CNTNAP5: variants seen among roughly 807,000 people sequenced by gnomAD.
The protein encoded by CNTNAP5 is contactin associated protein family member 5, also known as contactin-associated protein-like 5.
In CNTNAP5, 72 loss-of-function variants were observed where a neutral mutation model predicts 150.2. That is an observed-to-expected ratio of 0.48 (90% CI 0.40 to 0.58). CNTNAP5 has a LOEUF of 0.58. CNTNAP5 is among the 20% of genes least tolerant of loss of function. CNTNAP5 has a pLI of 0.00. For missense variants in CNTNAP5, 1,636 were observed against 1,626.2 expected (o/e 1.01, Z -0.10); for synonymous variants, 672 against 619.8 (o/e 1.08, Z -1.25).
intron 1 of CNTNAP5, among the ~76,000 whole-genome samples, chr2:124,156,779 G>A (rs960462849): frequency 3.9e-5 from 6 of 152,132 alleles, no homozygotes; most frequent in Admixed American, 6.5e-5. Flanking sequence ...GTGAGCCACC[G>A]TGCCCAGCCC....
intron 5 of CNTNAP5, among the ~76,000 whole-genome samples, chr2:124,443,821 T>C (rs1692736114): frequency 6.7e-6 from 1 of 150,284 alleles, no homozygotes; most frequent in African/African-American, 2.4e-5. Context: ...GCCGTGTGTG[T>C]GTGTGTGTGT....
At chr2:124,280,806 T>C (rs1242739479) in intron 3 of CNTNAP5, among the ~76,000 whole-genome samples, 1 of 152,074 alleles carries the variant, frequency 6.6e-6, no homozygotes. Context: ...ATTAAACAAT[T>C]CTAAAAATAA....
At chr2:124,723,473 T>C (rs1290636912) in intron 13 of CNTNAP5, among the ~76,000 whole-genome samples, 1 of 152,168 alleles carries the variant, frequency 6.6e-6, no homozygotes. Flanking sequence ...TGTCTAGCCT[T>C]TGCATATTAC....
intron 11 of CNTNAP5, among the ~76,000 whole-genome samples, chr2:124,597,282 G>A (rs1229270044): frequency 3.3e-5 from 5 of 150,314 alleles, no homozygotes; most frequent in African/African-American, 9.8e-5. Context: ...GGCTGGTACC[G>A]GTTGTTCCTT....
intron 12 of CNTNAP5, among the ~76,000 whole-genome samples, chr2:124,615,464 G>A (rs939886821): frequency 2.0e-5 from 3 of 152,082 alleles, no homozygotes; most frequent in Non-Finnish European, 4.4e-5. Flanking sequence ...CTCCTCATCC[G>A]TTAAAATTTT....
chr2:124,194,108 T>C (rs1470811446), intron 1 of CNTNAP5, among the ~76,000 whole-genome samples: 1 of 151,988 alleles, frequency 6.6e-6, no homozygotes, highest in African/African-American at 2.4e-5. Context: ...CCAGAGCCCT[T>C]TATGGGATCC....
chr2:124,188,120 G>A (rs1685373917), intron 1 of CNTNAP5, among the ~76,000 whole-genome samples: 1 of 152,162 alleles, frequency 6.6e-6, no homozygotes, highest in Non-Finnish European at 1.5e-5. Context: ...ATGGCTTTGG[G>A]AGCTGGGAGA....
intron 10 of CNTNAP5, among the ~76,000 whole-genome samples, chr2:124,533,797 C>T (rs1221972450): frequency 2.0e-5 from 3 of 152,140 alleles, no homozygotes; most frequent in South Asian, 4.1e-4. Context: ...TCCTCTGGCA[C>T]GCCTCAGTGA....
intron 3 of CNTNAP5, among the ~76,000 whole-genome samples, chr2:124,320,795 CTG>C (rs151006914): frequency 1.4e-4 from 21 of 149,840 alleles, no homozygotes; most frequent in Admixed American, 3.3e-4. Context: ...TGTGTTGAGC[CTG>C]TGTGTGTGTG....
At chr2:124,714,696 G>A (rs1267607322) in intron 13 of CNTNAP5, among the ~76,000 whole-genome samples, 2 of 151,332 alleles carry the variant, frequency 1.3e-5, no homozygotes, top group African/African-American at 2.4e-5. Flanking sequence ...ATTATATATT[G>A]TACTTTATAC....
intron 1 of CNTNAP5, among the ~76,000 whole-genome samples, chr2:124,056,052 C>T (rs1681838972): frequency 6.6e-6 from 1 of 152,152 alleles, no homozygotes; most frequent in Non-Finnish European, 1.5e-5. Flanking sequence ...ACTTCTTTCC[C>T]TTCTCAATTT....
intron 16 of CNTNAP5, among the ~76,000 whole-genome samples, chr2:124,769,247 G>A (rs527263304): frequency 3.7e-4 from 56 of 152,204 alleles, no homozygotes; most frequent in South Asian, 2.3e-3. Flanking sequence ...TCATCTCCTA[G>A]GAGCACTTGG....
chr2:124,160,126 G>C (rs567444461), intron 1 of CNTNAP5, among the ~76,000 whole-genome samples: 49 of 152,236 alleles, frequency 3.2e-4, no homozygotes, highest in African/African-American at 1.2e-3. Context: ...CACTAAGCTG[G>C]AGACTCAGGA....
Position 124,921,208 on chromosome 2 carries a change from G to A in CNTNAP5, c.*6920G>A, listed in dbSNP as rs1247374167. On this transcript the variant is annotated 3_prime_UTR_variant, in exon 24 of 24. Coordinates refer to ENST00000682447, the MANE Select transcript of CNTNAP5 (RefSeq NM_001367498.1). ...AAGAGAACATTTTGTATGATTTTGT[G>A]TGGAAGACAAATGTGCCTTGCTGTG... 1.3e-5 allele frequency among the ~76,000 whole-genome samples: 2 copies of A among 152,134 alleles called. No homozygotes were observed. The highest frequency in any genetic ancestry group is 2.9e-5 in the Non-Finnish European group (2 of 68,010).
At chr2:124,600,759 GAGAGAGAGAA>G (rs778081209) in intron 11 of CNTNAP5, among the ~76,000 whole-genome samples, 10,966 of 135,148 alleles carry the variant, frequency 0.081, 538 homozygotes, top group Non-Finnish European at 0.11. Flanking sequence ...GAGAGAGAGA[GAGAGAGAGAA>G]AGAGAGAGAA....
chr2:124,025,302 G>T lies in CNTNAP5; in HGVS notation c.-349G>T, dbSNP rs1310536289. The T allele has an allele frequency of 1.1e-5, 3 of 271,872 alleles. No individual in the cohort carries two copies. Among genetic ancestry groups the T allele is most frequent in the Non-Finnish European group, 2.2e-5 (3 of 136,960 alleles). 16.8% of individuals were successfully genotyped at this position (271,872 alleles called of 1,614,324 possible). On this transcript the variant is annotated 5_prime_UTR_variant, in exon 1 of 24. Transcript: ENST00000682447. ...CCCGGGTGCTGATTCCAGCTCTCGC[G>T]CCCGACGAGGTGGATTTGGCTGTCC... is the stretch of plus-strand genomic sequence containing the variant.
chr2:124,436,376 C>T (rs1692531993), intron 5 of CNTNAP5, among the ~76,000 whole-genome samples: 1 of 152,142 alleles, frequency 6.6e-6, no homozygotes, highest in Non-Finnish European at 1.5e-5. Context: ...CTTTTGATTA[C>T]AGATGTGCAA....
intron 3 of CNTNAP5, among the ~76,000 whole-genome samples, chr2:124,381,918 G>A (rs562270420): frequency 6.6e-6 from 1 of 152,226 alleles, no homozygotes; most frequent in East Asian, 1.9e-4. Flanking sequence ...CAAACTGAGA[G>A]AGACAGTGAA....
At chr2:124,847,846 A>G (rs1683080678) in intron 19 of CNTNAP5, among the ~76,000 whole-genome samples, 1 of 152,204 alleles carries the variant, frequency 6.6e-6, no homozygotes, top group Non-Finnish European at 1.5e-5. Flanking sequence ...AAATTATGGA[A>G]AATAACCTTA....
Sources: allele counts gnomAD v4.1 joint callset (sites outside exome capture counted in the v4.1 genomes callset), GRCh38; gene constraint gnomAD v4.1.1; transcripts MANE v1.5; gene names NCBI Gene and HGNC (gene_info 2026-07-23, HGNC 2026-07-21).